The following COL5A2 variants were observed in gnomAD, a reference collection of about 807,000 sequenced individuals.
The protein encoded by COL5A2 is collagen type V alpha 2 chain.
COL5A2 carries 23 observed loss-of-function variants against 208.2 expected under a neutral mutation model. That is an observed-to-expected ratio of 0.11 (90% CI 0.08 to 0.16). COL5A2 has a LOEUF of 0.16. COL5A2 is among the 10% of genes least tolerant of loss of function. The pLI, the probability that COL5A2 is intolerant of heterozygous loss-of-function variation, is 1.00. For synonymous variants in COL5A2, 625 were observed against 628.5 expected, an observed-to-expected ratio of 0.99 and a Z score of 0.08; for missense variants, 1,590 against 1,956.4, an observed-to-expected ratio of 0.81 and a Z score of 3.53.
chr2:189,358,136 C>T, the COL5A2 span, among the ~76,000 whole-genome samples: 36 of 152,184 alleles, frequency 2.4e-4, 1 homozygote, highest in Middle Eastern at 6.8e-3. Flanking sequence ...ATGTCGATCT[C>T]GCTGGGAGCT....
intron 17 of COL5A2, among the ~76,000 whole-genome samples, chr2:189,073,675 T>C (rs1686334880): frequency 6.6e-6 from 1 of 152,152 alleles, no homozygotes; most frequent in Admixed American, 6.5e-5. Flanking sequence ...GTTAATAATA[T>C]ATGAAATAAT....
the COL5A2 span, among the ~76,000 whole-genome samples, chr2:189,313,503 G>A: frequency 6.6e-6 from 1 of 152,146 alleles, no homozygotes; most frequent in Admixed American, 6.6e-5. Flanking sequence ...GAAGTACACA[G>A]ACCAGTGACA....
At chr2:189,350,528 A>C in the COL5A2 span, among the ~76,000 whole-genome samples, 25 of 152,210 alleles carry the variant, frequency 1.6e-4, no homozygotes, top group Non-Finnish European at 2.6e-4. Flanking sequence ...AGCCAATATC[A>C]TTCCAAGGTG....
chr2:189,311,702 A>T, the COL5A2 span: 1 of 754,584 alleles, frequency 1.3e-6, no homozygotes, highest in Middle Eastern at 3.5e-4. Flanking sequence ...AGTGGACTGC[A>T]TGGTGACCAC....
intron 1 of COL5A2, among the ~76,000 whole-genome samples, chr2:189,116,478 C>T (rs754449722): frequency 6.6e-6 from 1 of 152,094 alleles, no homozygotes. Flanking sequence ...TAAACAACTC[C>T]CAAATTTGAA....
rs1399261307 is a variant in COL5A2, at chr2:189,045,839, A to G, written c.3270T>C (p.Pro1090=). 6.2e-7 allele frequency: 1 copy of G among 1,614,054 alleles called. No individual in the cohort carries two copies. The highest frequency in any genetic ancestry group is 8.5e-7 in the Non-Finnish European group (1 of 1,180,002). ...GSQGAPGTPG[P]VGAPGDAGQR... Reference sequence around the variant, plus strand: ...GTCCTGCATCTCCTGGAGCACCCACAGGGCCAGGAGTTCCAGGGGCACCCT... The same window carrying G: ...GTCCTGCATCTCCTGGAGCACCCACGGGGCCAGGAGTTCCAGGGGCACCCT... Residue 1090 remains proline, a synonymous_variant, in exon 46 of 54, where the codon CCT becomes CCC. Coordinates refer to ENST00000374866, the MANE Select transcript of COL5A2 (RefSeq NM_000393.5).
At chr2:189,200,861 T>G (rs2105856693) in intron 1 of COL5A2, among the ~76,000 whole-genome samples, 1 of 152,126 alleles carries the variant, frequency 6.6e-6, no homozygotes, top group South Asian at 2.1e-4. Flanking sequence ...AAAAATTCTT[T>G]CCCCAGCAAG....
chr2:189,265,371 T>G, the COL5A2 span, among the ~76,000 whole-genome samples: 190 of 152,246 alleles, frequency 1.2e-3, no homozygotes, highest in Non-Finnish European at 2.0e-3. Context: ...GGAGCCCCCT[T>G]CCTTGACTCT....
intron 1 of COL5A2, among the ~76,000 whole-genome samples, chr2:189,216,871 C>A (rs544064503): frequency 2.8e-4 from 42 of 152,058 alleles, no homozygotes; most frequent in Non-Finnish European, 5.0e-4. Context: ...TCTAATGAAA[C>A]CTAAATTTGC....
At chr2:189,171,625 A>T (rs1688575665) in intron 1 of COL5A2, among the ~76,000 whole-genome samples, 1 of 152,222 alleles carries the variant, frequency 6.6e-6, no homozygotes, top group African/African-American at 2.4e-5. Flanking sequence ...ACATAAGCAA[A>T]ATGACCAAGT....
At chr2:189,414,865 T>A in the COL5A2 span, among the ~76,000 whole-genome samples, 1 of 152,154 alleles carries the variant, frequency 6.6e-6, no homozygotes, top group Non-Finnish European at 1.5e-5. Flanking sequence ...GTCTTTTCTT[T>A]AATTCTTATA....
At chr2:189,272,311 C>T in the COL5A2 span, among the ~76,000 whole-genome samples, 1 of 152,072 alleles carries the variant, frequency 6.6e-6, no homozygotes, top group Non-Finnish European at 1.5e-5. Flanking sequence ...CACATATACA[C>T]CAAAGAATAC....
At chr2:189,433,161 C>A in the COL5A2 span, among the ~76,000 whole-genome samples, 1 of 152,204 alleles carries the variant, frequency 6.6e-6, no homozygotes, top group African/African-American at 2.4e-5. Context: ...GTACCAGAAT[C>A]TCTGGGACAC....
the COL5A2 span, among the ~76,000 whole-genome samples, chr2:189,248,863 C>T: frequency 4.6e-5 from 7 of 152,184 alleles, no homozygotes; most frequent in Admixed American, 2.0e-4. Context: ...TCTTGGTCAA[C>T]GTATGTTTCT....
At chr2:189,380,589 T>A in the COL5A2 span, among the ~76,000 whole-genome samples, 1 of 151,760 alleles carries the variant, frequency 6.6e-6, no homozygotes, top group African/African-American at 2.4e-5. Context: ...ATAGATATAG[T>A]TATAATTTAT....
the COL5A2 span, among the ~76,000 whole-genome samples, chr2:189,417,784 T>C: frequency 6.6e-6 from 1 of 151,978 alleles, no homozygotes; most frequent in Non-Finnish European, 1.5e-5. Flanking sequence ...ATTCTTTTTA[T>C]GGCTGAGTAT....
chr2:189,061,559 T>C lies in COL5A2; in HGVS notation c.2031+3A>G, dbSNP rs201947903. ...TGAAATGGAAAACCGAATTAGTGCA[T>C]ACCTGAAAACCTGTGGGGCCTGGAG... On this transcript the variant is annotated splice_donor_region_variant and intron_variant, in intron 30 of 53. Coordinates refer to ENST00000374866, the MANE Select transcript of COL5A2 (RefSeq NM_000393.5). 20 of 1,610,192 alleles carry C rather than the reference T, an allele frequency of 1.2e-5. No homozygotes were observed. Among genetic ancestry groups the C allele is most frequent in the Admixed American group, 5.0e-5 (3 of 59,974 alleles).
Position 189,066,790 on chromosome 2 carries a change from A to C in COL5A2, c.1402-8T>G. ...TGGAACTCCTGGATCACCCTGAAAA[A>C]AATATATTGATATTTGTAAGAACCA... On this transcript the variant is annotated splice_polypyrimidine_tract_variant and splice_region_variant and intron_variant, in intron 21 of 53. Coordinates refer to ENST00000374866, the MANE Select transcript of COL5A2 (RefSeq NM_000393.5). 3 of 1,610,084 alleles carry C rather than the reference A, an allele frequency of 1.9e-6. No individual in the cohort carries two copies. Among genetic ancestry groups the C allele is most frequent in the East Asian group, 2.2e-5 (1 of 44,850 alleles).
the COL5A2 span, among the ~76,000 whole-genome samples, chr2:189,236,778 A>G: frequency 2.6e-5 from 4 of 151,864 alleles, no homozygotes; most frequent in African/African-American, 9.7e-5. Flanking sequence ...CTTTATATAT[A>G]TAAGTATTCA....
Sources: gnomAD v4.1 joint callset for allele counts (sites outside exome capture counted in the v4.1 genomes callset) on GRCh38, gnomAD v4.1.1 for gene constraint, MANE v1.5 for transcripts, NCBI Gene and HGNC (gene_info 2026-07-23, HGNC 2026-07-21) for gene names.